Variants in B3GALT1 observed in about 807,000 individuals in gnomAD.
B3GALT1 encodes UDP-Gal:betaGlcNAc beta 1,3-galactosyltransferase, polypeptide 1.
B3GALT1 carries 10 observed loss-of-function variants against 23.2 expected under a neutral mutation model. The ratio of observed to expected loss-of-function variants is 0.43; its 90% CI spans 0.27 to 0.73. The LOEUF (loss-of-function observed/expected upper bound fraction) is 0.73, where lower values mean the gene tolerates loss of function less well. Among genes scored for constraint, B3GALT1 ranks in the 30% least tolerant of loss-of-function variants. B3GALT1 has a pLI of 0.21. For synonymous variants in B3GALT1, 156 were observed against 141.5 expected (o/e 1.10, Z -0.73); for missense variants, 299 against 405.4 (o/e 0.74, Z 2.25).
intron 4 of B3GALT1, among the ~76,000 whole-genome samples, chr2:167,857,048 AT>A (rs1361662904): frequency 6.6e-6 from 1 of 152,166 alleles, no homozygotes; most frequent in Non-Finnish European, 1.5e-5. Flanking sequence ...AGGGGAAAAC[AT>A]TTCCAAAGAG....
At chr2:167,309,176 T>C (rs1185391236) in intron 1 of B3GALT1, among the ~76,000 whole-genome samples, 1 of 152,020 alleles carries the variant, frequency 6.6e-6, no homozygotes, top group Non-Finnish European at 1.5e-5. Context: ...AGTAACTTGG[T>C]CTATATTTGG....
At chr2:167,309,060 G>A (rs1363498268) in intron 1 of B3GALT1, among the ~76,000 whole-genome samples, 5 of 151,902 alleles carry the variant, frequency 3.3e-5, no homozygotes, top group Admixed American at 6.6e-5. Flanking sequence ...AGTCTCAAAC[G>A]AGTTCTTTTC....
intron 1 of B3GALT1, among the ~76,000 whole-genome samples, chr2:167,377,678 T>A (rs1319747142): frequency 6.6e-6 from 1 of 152,146 alleles, no homozygotes; most frequent in Non-Finnish European, 1.5e-5. Context: ...GTGGGGTAGA[T>A]CTTTCTCCAG....
chr2:167,777,828 T>G (rs1042062730), intron 3 of B3GALT1, among the ~76,000 whole-genome samples: 1 of 152,116 alleles, frequency 6.6e-6, no homozygotes, highest in African/African-American at 2.4e-5. Context: ...CAGTGTGACA[T>G]AGGACTAGGA....
chr2:167,650,885 C>T (rs151136774), intron 3 of B3GALT1, among the ~76,000 whole-genome samples: 8 of 152,038 alleles, frequency 5.3e-5, no homozygotes, highest in Admixed American at 5.2e-4. Context: ...AATATGCTAA[C>T]AGAAGTAAGC....
intron 2 of B3GALT1, among the ~76,000 whole-genome samples, chr2:167,492,166 C>A (rs148376125): frequency 1.3e-4 from 20 of 152,264 alleles, no homozygotes; most frequent in African/African-American, 4.8e-4. Context: ...ACCTGGCAAT[C>A]TCTGATCTTT....
chr2:167,579,598 A>G (rs970463094), intron 2 of B3GALT1, among the ~76,000 whole-genome samples: 1 of 151,992 alleles, frequency 6.6e-6, no homozygotes, highest in African/African-American at 2.4e-5. Flanking sequence ...AAAGTCCTCA[A>G]AAGTAGGAAA....
At chr2:167,307,038 A>G (rs1009212084) in intron 1 of B3GALT1, among the ~76,000 whole-genome samples, 4 of 152,024 alleles carry the variant, frequency 2.6e-5, no homozygotes, top group Admixed American at 1.3e-4. Context: ...AATTCTGCAT[A>G]TTTCATTGAA....
chr2:167,362,695 T>A (rs906021144), intron 1 of B3GALT1, among the ~76,000 whole-genome samples: 1 of 152,116 alleles, frequency 6.6e-6, no homozygotes, highest in African/African-American at 2.4e-5. Flanking sequence ...CTTAATTTTT[T>A]TCCTCTTGTC....
chr2:167,566,836 G>A (rs1574143355), intron 2 of B3GALT1, among the ~76,000 whole-genome samples: 1 of 152,136 alleles, frequency 6.6e-6, no homozygotes, highest in Non-Finnish European at 1.5e-5. Flanking sequence ...GGGGTAGGAG[G>A]GTTATTGAGT....
intron 1 of B3GALT1, among the ~76,000 whole-genome samples, chr2:167,483,169 T>C (rs1699583671): frequency 6.6e-6 from 1 of 151,960 alleles, no homozygotes; most frequent in Admixed American, 6.6e-5. Context: ...GACGCATGCC[T>C]GTAATCCCAG....
chr2:167,361,193 A>G (rs1202623720), intron 1 of B3GALT1, among the ~76,000 whole-genome samples: 1 of 148,792 alleles, frequency 6.7e-6, no homozygotes, highest in Non-Finnish European at 1.5e-5. Context: ...TCTCTTTGAT[A>G]CACTGATTTC....
At position 167,404,386 on chromosome 2, in the gene B3GALT1, C is replaced by T. The variant is rs113129943; in HGVS notation, c.-510-85791C>T. Among the ~76,000 whole-genome samples the T allele has an allele frequency of 3.7e-3, 562 of 152,188 alleles. 6 individuals are homozygous for T. The highest frequency in any genetic ancestry group is 0.013 in the African/African-American group (537 of 41,532). On this transcript the variant is annotated intron_variant, in intron 1 of 4. Coordinates refer to ENST00000392690, the MANE Select transcript of B3GALT1 (RefSeq NM_020981.4). ...AACAAACCAAATGATAACAGAAATA[C>T]ACTGTCAAAGTCAGAGCTGACAAAA...
At chr2:167,457,741 T>G (rs993319787) in intron 1 of B3GALT1, among the ~76,000 whole-genome samples, 74 of 152,100 alleles carry the variant, frequency 4.9e-4, no homozygotes, top group African/African-American at 1.7e-3. Flanking sequence ...TTGGTGTTAC[T>G]CTGAGTAAAT....
chr2:167,354,635 T>G (rs1354155946), intron 1 of B3GALT1, among the ~76,000 whole-genome samples: 1 of 152,036 alleles, frequency 6.6e-6, no homozygotes, highest in Non-Finnish European at 1.5e-5. Context: ...GTGAGCCACT[T>G]TGCCCGGCCA....
chr2:167,780,716 G>A (rs138493589), intron 3 of B3GALT1, among the ~76,000 whole-genome samples: 45 of 152,334 alleles, frequency 3.0e-4, no homozygotes, highest in Non-Finnish European at 6.0e-4. Context: ...CCATGCTGAA[G>A]TTTCAGGCAT....
chr2:167,563,807 G>C (rs1321118685), intron 2 of B3GALT1, among the ~76,000 whole-genome samples: 14 of 139,496 alleles, frequency 1.0e-4, no homozygotes, highest in African/African-American at 3.8e-4. Flanking sequence ...CCCCCGGAGG[G>C]AGCGGCTGGC....
intron 3 of B3GALT1, among the ~76,000 whole-genome samples, chr2:167,785,732 G>A (rs1049076757): frequency 2.0e-5 from 3 of 152,136 alleles, no homozygotes; most frequent in Non-Finnish European, 2.9e-5. Flanking sequence ...AGAATTATTC[G>A]TGCAGGGATT....
rs565954144 is a variant in B3GALT1 at position 167,467,654 on chromosome 2, C to T, written c.-510-22523C>T. On this transcript the variant is annotated intron_variant, in intron 1 of 4. Coordinates refer to ENST00000392690, the MANE Select transcript of B3GALT1 (RefSeq NM_020981.4). The stretch of plus-strand genomic sequence containing the variant: ...ACAAATTGGCTTTTAAATCAAAATG[C>T]CATTTTGTGTAGAATTTGTATTTTG... Among the ~76,000 whole-genome samples the T allele has an allele frequency of 1.0e-3, 153 of 152,182 alleles. 1 individual carries two copies. Among genetic ancestry groups the T allele is most frequent in the Non-Finnish European group, 1.6e-3 (112 of 67,998 alleles).
Sources: allele counts gnomAD v4.1 joint callset (sites outside exome capture counted in the v4.1 genomes callset), GRCh38; gene constraint gnomAD v4.1.1; transcripts MANE v1.5; gene names NCBI Gene and HGNC (gene_info 2026-07-23, HGNC 2026-07-21).